Variants in PTPRD observed in about 807,000 individuals in gnomAD.
PTPRD encodes the protein receptor-type tyrosine-protein phosphatase delta.
PTPRD carries 34 observed loss-of-function variants against 214.5 expected under a neutral mutation model. The observed-to-expected ratio is 0.16, with a 90% CI of 0.12 to 0.21. PTPRD has a LOEUF of 0.21. Among genes scored for constraint, PTPRD ranks in the 10% least tolerant of loss-of-function variants. PTPRD has a pLI of 1.00. For synonymous variants in PTPRD, 1,128 were observed against 845.7 expected, an observed-to-expected ratio of 1.33 and a Z score of -5.79; for missense variants, 2,545 against 2,398.7, an observed-to-expected ratio of 1.06 and a Z score of -1.27.
At chr9:8,569,031 G>T (rs73421081) in intron 14 of PTPRD, among the ~76,000 whole-genome samples, 2,655 of 152,106 alleles carry the variant, frequency 0.017, 77 homozygotes, top group East Asian at 0.06. Flanking sequence ...AATCATGTTT[G>T]TTGTCAATGT....
chr9:10,185,562 C>T (rs548261147), intron 3 of PTPRD, among the ~76,000 whole-genome samples: 1 of 152,160 alleles, frequency 6.6e-6, no homozygotes, highest in Admixed American at 6.5e-5. Context: ...TTACAAACAC[C>T]CCAGGGAGAA....
intron 11 of PTPRD, among the ~76,000 whole-genome samples, chr9:8,960,535 T>C (rs532601593): frequency 2.6e-5 from 4 of 152,226 alleles, no homozygotes; most frequent in African/African-American, 7.2e-5. Context: ...AGTTGGAAGA[T>C]AGAAGAAGAT....
intron 3 of PTPRD, among the ~76,000 whole-genome samples, chr9:10,174,484 G>A (rs1050610197): frequency 1.3e-5 from 2 of 152,066 alleles, no homozygotes; most frequent in African/African-American, 4.8e-5. Context: ...CATCAGAATT[G>A]TGAGCCAAAG....
chr9:9,104,859 G>A (rs1159458210), intron 10 of PTPRD, among the ~76,000 whole-genome samples: 1 of 152,158 alleles, frequency 6.6e-6, no homozygotes, highest in Non-Finnish European at 1.5e-5. Flanking sequence ...TGCAAGAATT[G>A]ATAATAGCCA....
rs574840141 is a variant in PTPRD, at chr9:9,716,538, T to C, written c.-287+17995A>G. ...CTGTTGTTTCCTGACTTTTTAATGA[T>C]TGCCGTTCTAACTGGTGTGAGATTG... On this transcript the variant is annotated intron_variant, in intron 7 of 45. Coordinates refer to ENST00000381196, the MANE Select transcript of PTPRD (RefSeq NM_002839.4). Among the ~76,000 whole-genome samples, 13 of 152,226 alleles carry C rather than the reference T, an allele frequency of 8.5e-5. No individual in the cohort carries two copies. In the East Asian group the frequency reaches 2.3e-3, roughly 27 times the overall value.
intron 10 of PTPRD, among the ~76,000 whole-genome samples, chr9:9,076,586 A>C (rs1451030460): frequency 6.6e-6 from 1 of 152,094 alleles, no homozygotes; most frequent in African/African-American, 2.4e-5. Context: ...TTCACATAAT[A>C]TAATGTCCTT....
In PTPRD at chr9:8,422,147, C is replaced by CAA. The variant is rs768623202; in HGVS notation, c.4086+14443_4086+14444dup. ...GGGTGAAAGAGAGAGACCCTGTCTC[C>CAA]AAAAAAAAAAAAAAAAAAAAAAAAA... On this transcript the variant is annotated intron_variant, in intron 35 of 45. Coordinates refer to ENST00000381196, the MANE Select transcript of PTPRD (RefSeq NM_002839.4). Among the ~76,000 whole-genome samples, 142 of 33,986 alleles carry CAA rather than the reference C, an allele frequency of 4.2e-3. 17 individuals carry two copies. The highest frequency in any genetic ancestry group is 7.3e-3 in the African/African-American group (76 of 10,346). The allele number at this position is 33,986 out of a possible 152,430, so 22.3% of individuals were successfully genotyped here.
intron 11 of PTPRD, among the ~76,000 whole-genome samples, chr9:8,738,441 C>T (rs560571558): frequency 1.3e-5 from 2 of 151,916 alleles, no homozygotes; most frequent in African/African-American, 4.8e-5. Flanking sequence ...CAAACTAGGG[C>T]CTAGAGTCCC....
intron 3 of PTPRD, among the ~76,000 whole-genome samples, chr9:10,314,716 C>T (rs964319550): frequency 1.3e-5 from 2 of 151,742 alleles, no homozygotes; most frequent in East Asian, 1.9e-4. Context: ...TGACACAAGC[C>T]AAGGGGGGAA....
chr9:9,660,928 A>G (rs1435639384), intron 7 of PTPRD, among the ~76,000 whole-genome samples: 1 of 152,004 alleles, frequency 6.6e-6, no homozygotes, highest in South Asian at 2.1e-4. Flanking sequence ...GTCACGTTTC[A>G]GCAGTGACTT....
At chr9:10,095,806 T>A (rs1171574512) in intron 3 of PTPRD, among the ~76,000 whole-genome samples, 1 of 151,572 alleles carries the variant, frequency 6.6e-6, no homozygotes, top group Non-Finnish European at 1.5e-5. Context: ...GTATACATAA[T>A]AGTTTGAATG....
chr9:10,597,734 T>C (rs1298874972), intron 2 of PTPRD, among the ~76,000 whole-genome samples: 1 of 151,822 alleles, frequency 6.6e-6, no homozygotes, highest in African/African-American at 2.4e-5. Context: ...AAATTAAAGC[T>C]ACACTTCAGA....
intron 3 of PTPRD, among the ~76,000 whole-genome samples, chr9:10,266,963 G>A (rs2154379776): frequency 6.6e-6 from 1 of 152,006 alleles, no homozygotes; most frequent in East Asian, 1.9e-4. Context: ...GGCCGAGGCG[G>A]GCGAATCACC....
intron 2 of PTPRD, among the ~76,000 whole-genome samples, chr9:10,487,296 G>A (rs1005142268): frequency 1.3e-5 from 2 of 152,014 alleles, no homozygotes; most frequent in African/African-American, 4.8e-5. Flanking sequence ...TACATTCAAT[G>A]TTACTATTGA....
chr9:9,355,710 A>C (rs1476810992), intron 9 of PTPRD, among the ~76,000 whole-genome samples: 2 of 151,586 alleles, frequency 1.3e-5, no homozygotes, highest in Non-Finnish European at 3.0e-5. Context: ...AGGTATACAG[A>C]AGGTGTTTGA....
intron 9 of PTPRD, among the ~76,000 whole-genome samples, chr9:9,207,358 T>A (rs1367570450): frequency 1.3e-5 from 2 of 152,110 alleles, no homozygotes; most frequent in African/African-American, 4.8e-5. Context: ...AGATGTTACT[T>A]TGAGAGATGT....
intron 10 of PTPRD, among the ~76,000 whole-genome samples, chr9:9,079,080 T>C (rs758091689): frequency 6.6e-6 from 1 of 152,104 alleles, no homozygotes; most frequent in Non-Finnish European, 1.5e-5. Flanking sequence ...ATTCTCCTTC[T>C]AGTTATTTGA....
intron 5 of PTPRD, among the ~76,000 whole-genome samples, chr9:9,919,435 A>C (rs1217541491): frequency 1.3e-5 from 2 of 151,820 alleles, no homozygotes; most frequent in Admixed American, 6.6e-5. Context: ...CTTTTCAGAC[A>C]CCTCCCTTAC....
chr9:10,506,045 T>C (rs1293534827), intron 2 of PTPRD, among the ~76,000 whole-genome samples: 1 of 152,102 alleles, frequency 6.6e-6, no homozygotes, highest in African/African-American at 2.4e-5. Context: ...TGAATCAAGG[T>C]ACTATTTAAA....
Sources: allele counts gnomAD v4.1 joint callset (sites outside exome capture counted in the v4.1 genomes callset), GRCh38; gene constraint gnomAD v4.1.1; transcripts MANE v1.5; gene names NCBI Gene and HGNC (gene_info 2026-07-23, HGNC 2026-07-21).